LTBP4: variants seen among roughly 807,000 people sequenced by gnomAD.
LTBP4 encodes the protein latent-transforming growth factor beta-binding protein 4.
LTBP4 carries 93 observed loss-of-function variants against 180.2 expected under a neutral mutation model. That is an observed-to-expected ratio of 0.52 (90% CI 0.44 to 0.61). The LOEUF is 0.61. Among genes scored for constraint, LTBP4 ranks in the 20% least tolerant of loss-of-function variants. The pLI is 0.00. For missense variants in LTBP4, 2,116 were observed against 2,256.5 expected, an observed-to-expected ratio of 0.94 and a Z score of 1.26; for synonymous variants, 947 against 934.5, an observed-to-expected ratio of 1.01 and a Z score of -0.24.
Position 40,613,732 on chromosome 19 carries a change from C to A in LTBP4, c.2558-184C>A, listed in dbSNP as rs1181471225. The A allele has an allele frequency of 2.1e-5, 25 of 1,216,604 alleles. No individual in the cohort carries two copies. The highest frequency in any genetic ancestry group is 2.9e-5 in the Non-Finnish European group (25 of 861,274). The allele number at this position is 1,216,604 out of a possible 1,614,324, so 75.4% of individuals were successfully genotyped here. A position where few individuals can be genotyped will look rare whatever the true frequency, so the allele number is the denominator to read the frequency against. On this transcript the variant is annotated intron_variant, in intron 17 of 29. Coordinates refer to ENST00000396819, the MANE Select transcript of LTBP4 (RefSeq NM_001042545.2). This position sits in a 1 kb window ranked among gnomAD's most constrained non-coding sequence, Gnocchi z 5.0. ...AAGGGCCGAGTCTGGGTATTTGGAC[C>A]GTGATTGTAAAGAAGCTGTTCTAAA...
At chr19:40,598,728 G>C, upstream of LTBP4, 1 of 242,894 alleles carries the variant, frequency 4.1e-6, no homozygotes, top group South Asian at 4.7e-5. Context: ...TCAGAGGGAA[G>C]AGCCTTCCCT....
chr19:40,611,180 C>T lies in LTBP4; in HGVS notation c.1839C>T (p.Gly613=), dbSNP rs1304639280. The T allele has an allele frequency of 3.1e-6, 5 of 1,613,610 alleles. No homozygotes were observed. The South Asian group carries it at 5.5e-5, about 18-fold the overall frequency. ...QDVDECTQSP[G]LCGRGACKNL... Reference sequence around the variant, plus strand: ...TGGATGAATGCACCCAGAGCCCAGGCCTGTGTGGCCGAGGGGCCTGCAAGA... The same window carrying T: ...TGGATGAATGCACCCAGAGCCCAGGTCTGTGTGGCCGAGGGGCCTGCAAGA... Residue 613 remains glycine (G), a synonymous_variant, in exon 13 of 30, where the codon GGC becomes GGT. Coordinates refer to ENST00000396819, the MANE Select transcript of LTBP4 (RefSeq NM_001042545.2). This position sits in a 1 kb window ranked among gnomAD's most constrained non-coding sequence, Gnocchi z 4.4.
At position 40,605,596 on chromosome 19, in the gene LTBP4, G is replaced by C; in HGVS notation, c.634G>C (p.Gly212Arg). The C allele has an allele frequency of 6.2e-7, 1 of 1,600,170 alleles. No homozygotes were observed. The highest frequency in any genetic ancestry group is 8.5e-7 in the Non-Finnish European group (1 of 1,173,466). The change falls in exon 3 of 30, where the codon GGC (glycine) becomes CGC (arginine). Residue 212 changes from glycine (G) to arginine (R), a missense_variant. Physicochemically the swap from Gly to Arg is moderately radical, Grantham distance 125. Transcript: ENST00000396819. The surrounding 1 kb of genome is among the most constrained non-coding windows in gnomAD (Gnocchi z 5.5). ...VLAQSAPRED[G>R]YSDASGFGYC... is the part of the protein sequence containing the mutation. The stretch of plus-strand genomic sequence containing the variant: ...GGCACAGAGCGCGCCGCGGGAGGAC[G>C]GCTACTCAGATGCCTCGGGCTTCGG...
chr19:40,622,414 C>T lies in LTBP4; in HGVS notation c.3231C>T (p.Gly1077=). 1 of 1,547,498 alleles carries T rather than the reference C, an allele frequency of 6.5e-7. No homozygotes were observed. The highest frequency in any genetic ancestry group is 8.8e-7 in the Non-Finnish European group (1 of 1,141,696). The part of the protein sequence containing the change: ...PPRTSAGTFP[G]SQPQAPASPV... The stretch of plus-strand genomic sequence containing the variant: ...TTGTCTCCCCAGGCACGTTCCCAGG[C>T]TCGCAGCCCCAGGCACCTGCTAGCC... The change falls in exon 23 of 30, where the codon GGC becomes GGT. Residue 1077 remains glycine (G), a synonymous_variant. Coordinates refer to ENST00000396819, the MANE Select transcript of LTBP4 (RefSeq NM_001042545.2). This position sits in a 1 kb window ranked among gnomAD's most constrained non-coding sequence, Gnocchi z 5.1.
intron 24 of LTBP4, 52 bp downstream of exon 24, chr19:40,623,073 G>A (rs531595120): frequency 1.4e-5 from 20 of 1,413,804 alleles, no homozygotes; most frequent in African/African-American, 2.9e-5. Flanking sequence ...GCCCAGCTTC[G>A]TCTCTTCCTG....
rs2081596177 is a variant in LTBP4 at position 40,622,827 on chromosome 19, A to T, written c.3485-123A>T. The T allele has an allele frequency of 2.9e-6, 4 of 1,379,800 alleles. No individual in the cohort carries two copies. The highest frequency in any genetic ancestry group is 3.9e-6 in the Non-Finnish European group (4 of 1,013,832). The allele number at this position is 1,379,800 out of a possible 1,614,324, so 85.5% of individuals were successfully genotyped here. A position where few individuals can be genotyped will look rare whatever the true frequency, so the allele number is the denominator to read the frequency against. On this transcript the variant is annotated intron_variant, in intron 23 of 29. Coordinates refer to ENST00000396819, the MANE Select transcript of LTBP4 (RefSeq NM_001042545.2). The surrounding 1 kb of genome is among the most constrained non-coding windows in gnomAD (Gnocchi z 5.1). ...AGGCAGGTGGGCATGGGCAGACATA[A>T]GGCTGAGAGGTGGGCACTAACAGGC...
At position 40,622,897 on chromosome 19, in the gene LTBP4, A is replaced by AGGGCTG; in HGVS notation, c.3485-41_3485-36dup. On this transcript the variant is annotated intron_variant, in intron 23 of 29. Coordinates refer to ENST00000396819, the MANE Select transcript of LTBP4 (RefSeq NM_001042545.2). The surrounding 1 kb of genome is among the most constrained non-coding windows in gnomAD (Gnocchi z 5.1). ...TGTGACAAGTGGGCACGAGCAGGTCAGGGCTGGGGCTGGGGCTCTGGTGTC... is the reference window on the plus strand; with the variant it reads ...TGTGACAAGTGGGCACGAGCAGGTCAGGGCTGGGGCTGGGGCTGGGGCTCTGGTGTC... 6.3e-7 allele frequency: 1 copy of AGGGCTG among 1,574,820 alleles called. No homozygotes were observed. The highest frequency in any genetic ancestry group is 8.7e-7 in the Non-Finnish European group (1 of 1,151,314).
In LTBP4 at chr19:40,629,618, C is replaced by A; in HGVS notation, c.*68C>A. 7.6e-7 allele frequency: 1 copy of A among 1,309,698 alleles called. No individual in the cohort carries two copies. Among genetic ancestry groups the A allele is most frequent in the Non-Finnish European group, 9.7e-7 (1 of 1,028,630 alleles). 81.1% of individuals were successfully genotyped at this position (1,309,698 alleles called of 1,614,324 possible). ...GGCCCCTGCCGCGCATCCTGCAGCC[C>A]GCTTATGCGTATGTGCACGGGGCCG... is the stretch of plus-strand genomic sequence containing the variant. On this transcript the variant is annotated 3_prime_UTR_variant, in exon 30 of 30. Transcript: ENST00000396819. The surrounding 1 kb of genome is among the most constrained non-coding windows in gnomAD (Gnocchi z 4.5).
chr19:40,597,196 C>G (rs2081395320), upstream of LTBP4: 3 of 1,421,162 alleles, frequency 2.1e-6, no homozygotes, highest in African/African-American at 3.0e-5. Context: ...ACCCGCTGGA[C>G]AGACCGCCCG....
intron 12 of LTBP4, 85 bp downstream of exon 12, chr19:40,610,742 G>A: frequency 1.3e-6 from 2 of 1,483,020 alleles, no homozygotes; most frequent in African/African-American, 1.4e-5. Flanking sequence ...CTGAACAATA[G>A]GGCAAAGCGA....
chr19:40,608,249 C>T lies in LTBP4; in HGVS notation c.1186C>T (p.Pro396Ser), dbSNP rs1206976478. 1 of 1,613,976 alleles carries T rather than the reference C, an allele frequency of 6.2e-7. No homozygotes were observed. The highest frequency in any genetic ancestry group is 2.2e-5 in the East Asian group (1 of 44,872). Residue 396 changes from proline (P) to serine (S), a missense_variant, in exon 8 of 30, where the codon CCT becomes TCT. Physicochemically the swap from Pro to Ser is moderately conservative, Grantham distance 74. This residue lies in a region of LTBP4 where 877 missense variants were observed against 873.6 expected (regional missense o/e 1.00). Transcript: ENST00000396819. ...EGFREICPAGPGYHYSASDLR... is the reference protein window; with the variant it reads ...EGFREICPAGSGYHYSASDLR... ...TTTCCGGGAGATCTGCCCGGCTGGTCCTGGTTACCACTACTCGGCCTCCGA... is the reference window on the plus strand; with the variant it reads ...TTTCCGGGAGATCTGCCCGGCTGGTTCTGGTTACCACTACTCGGCCTCCGA...
In LTBP4 at chr19:40,623,926, C is replaced by T. The variant is rs990427568; in HGVS notation, c.3686-10C>T. ...TTGAAGGGGATGCCTCTTAATCATCCTCTCCCTAGACAATGACGAGTGCGC... is the reference window on the plus strand; with the variant it reads ...TTGAAGGGGATGCCTCTTAATCATCTTCTCCCTAGACAATGACGAGTGCGC... On this transcript the variant is annotated splice_polypyrimidine_tract_variant and intron_variant, in intron 25 of 29. Transcript: ENST00000396819. The T allele has an allele frequency of 6.2e-7, 1 of 1,613,734 alleles. No individual in the cohort carries two copies. The highest frequency in any genetic ancestry group is 1.7e-5 in the Admixed American group (1 of 60,008).
intron 11 of LTBP4, 116 bp from the exon 12 acceptor site, chr19:40,610,416 A>C (rs1369869130): frequency 7.8e-7 from 1 of 1,288,398 alleles, no homozygotes; most frequent in Non-Finnish European, 1.1e-6. Context: ...CCGGGTCCCC[A>C]TCCTGGCTCT....
upstream of LTBP4, chr19:40,597,367 A>C (rs1251108989): frequency 1.3e-5 from 19 of 1,517,498 alleles, no homozygotes; most frequent in East Asian, 5.0e-4. Flanking sequence ...GGGGGTCCCC[A>C]GCCGCCCGGC....
At chr19:40,614,208 C>A in intron 18 of LTBP4, 107 bp from the exon 19 acceptor site, 1 of 1,475,810 alleles carries the variant, frequency 6.8e-7, no homozygotes, top group Non-Finnish European at 9.2e-7. Context: ...CTCCTGCCCT[C>A]TCCTCTGCTT....
rs751732837 is a variant in LTBP4 at position 40,624,067 on chromosome 19, G to A, written c.3817G>A (p.Glu1273Lys). The A allele has an allele frequency of 5.1e-6, 8 of 1,571,152 alleles. No homozygotes were observed. The highest frequency in any genetic ancestry group is 2.3e-5 in the East Asian group (1 of 43,198). ...CTCGCAGCGCCGCTGCGTCTCCAAC[G>A]AGAGCCAGAGCCTCGGTAACCCCGC... is the stretch of plus-strand genomic sequence containing the variant. ...DGSQRRCVSN[E>K]SQSLDDNLGV... is the part of the protein sequence containing the mutation. Residue 1273 changes from glutamate (E) to lysine (K), a missense_variant, in exon 26 of 30, where the codon GAG (glutamate) becomes AAG (lysine). Glu to Lys is a moderately conservative substitution (Grantham distance 56). Around this residue, in one of 5 missense-constraint regions of LTBP4, gnomAD observed 488 missense variants for 458.8 expected, o/e 1.06. Coordinates refer to ENST00000396819, the MANE Select transcript of LTBP4 (RefSeq NM_001042545.2).
In LTBP4 at chr19:40,611,568, C is replaced by A. The variant is rs1383891117; in HGVS notation, c.2053+174C>A. On this transcript the variant is annotated intron_variant, in intron 13 of 29. Transcript: ENST00000396819. The surrounding 1 kb of genome is among the most constrained non-coding windows in gnomAD (Gnocchi z 4.4). ...CTTTCAACAAAATAAGGCAGTCCTC[C>A]CCACCCCTCCTCCCTTTTTGAAAGA... Among the ~76,000 whole-genome samples, 1 of 152,156 alleles carries A rather than the reference C, an allele frequency of 6.6e-6. No individual in the cohort carries two copies. The highest frequency in any genetic ancestry group is 1.5e-5 in the Non-Finnish European group (1 of 68,014).
At position 40,622,753 on chromosome 19, in the gene LTBP4, T is replaced by G. The variant is rs1207947845; in HGVS notation, c.3484+86T>G. 5 of 1,489,570 alleles carry G rather than the reference T, an allele frequency of 3.4e-6. No individual in the cohort carries two copies. The highest frequency in any genetic ancestry group is 3.6e-6 in the Non-Finnish European group (4 of 1,115,612). 92.3% of individuals were successfully genotyped at this position (1,489,570 alleles called of 1,614,324 possible). On this transcript the variant is annotated intron_variant, in intron 23 of 29. Coordinates refer to ENST00000396819, the MANE Select transcript of LTBP4 (RefSeq NM_001042545.2). The surrounding 1 kb of genome is among the most constrained non-coding windows in gnomAD (Gnocchi z 5.1). ...GTGGGCCTGGGACAGGGGACACTTT[T>G]GGACAGGGCCTTGAGGTACTAGTAC...
chr19:40,627,043 G>T lies in LTBP4; in HGVS notation c.4054G>T (p.Gly1352Ter). 6.2e-7 allele frequency: 1 copy of T among 1,611,178 alleles called. No homozygotes were observed. The highest frequency in any genetic ancestry group is 8.5e-7 in the Non-Finnish European group (1 of 1,178,094). ...AYSPPRPGGF[G>*]LPYEYGPDLG... Reference sequence around the variant, plus strand: ...TAGCCCCCCGCGACCAGGTGGCTTTGGACTCCCCTACGAGTACGGCCCAGA... The same window carrying T: ...TAGCCCCCCGCGACCAGGTGGCTTTTGACTCCCCTACGAGTACGGCCCAGA... The change falls in exon 28 of 30, where the codon GGA (glycine) becomes TGA (stop). Residue 1352 changes from glycine (G) to a stop codon, truncating the protein, a stop_gained. Coordinates refer to ENST00000396819, the MANE Select transcript of LTBP4 (RefSeq NM_001042545.2). LOFTEE classifies it high-confidence loss of function.
Sources: allele counts gnomAD v4.1 joint callset (sites outside exome capture counted in the v4.1 genomes callset), GRCh38; gene constraint gnomAD v4.1.1; regional missense constraint gnomAD v4.1.1; non-coding constraint Gnocchi (gnomAD v3.1); transcripts MANE v1.5; gene names NCBI Gene and HGNC (gene_info 2026-07-23, HGNC 2026-07-21).